Variants in IMMP2L observed in about 807,000 individuals in gnomAD.
IMMP2L encodes the protein mitochondrial inner membrane protease subunit 2.
Under a neutral mutation model 19.3 loss-of-function variants are expected in IMMP2L, and 18 were observed. The ratio of observed to expected loss-of-function variants is 0.93; its 90% confidence interval spans 0.64 to 1.38. The LOEUF (loss-of-function observed/expected upper bound fraction) is 1.38, where lower values mean the gene tolerates loss of function less well. Among genes scored for constraint, IMMP2L ranks in the 40% most tolerant of loss-of-function variants. The probability of loss-of-function intolerance (pLI) is 0.00; values close to 1 mark genes in which losing one functional copy is unlikely to be tolerated. For missense variants in IMMP2L, 233 were observed against 218.2 expected (o/e 1.07, Z -0.43); for synonymous variants, 76 against 73.0 (o/e 1.04, Z -0.21).
At chr7:111,329,085 T>C (rs1251451853) in intron 3 of IMMP2L, among the ~76,000 whole-genome samples, 1 of 151,912 alleles carries the variant, frequency 6.6e-6, no homozygotes, top group East Asian at 1.9e-4. Context: ...AAAGCTTTCA[T>C]GTACAATCAT....
chr7:110,801,443 T>TAA (rs1337124435), intron 5 of IMMP2L, among the ~76,000 whole-genome samples: 7 of 152,104 alleles, frequency 4.6e-5, no homozygotes, highest in African/African-American at 1.4e-4. Context: ...TGGTCATTGT[T>TAA]CTTATGAGAA....
intron 4 of IMMP2L, among the ~76,000 whole-genome samples, chr7:110,940,714 C>T (rs1816654794): frequency 6.6e-6 from 1 of 152,138 alleles, no homozygotes; most frequent in Non-Finnish European, 1.5e-5. Context: ...ATGTCACTCT[C>T]TTTTAGTAAA....
intron 3 of IMMP2L, among the ~76,000 whole-genome samples, chr7:111,424,944 G>A (rs1473891993): frequency 1.3e-5 from 2 of 151,674 alleles, no homozygotes; most frequent in Non-Finnish European, 2.9e-5. Context: ...CAATTATATG[G>A]CATAATGGAA....
chr7:111,343,472 T>A (rs1179151173), intron 3 of IMMP2L, among the ~76,000 whole-genome samples: 1 of 152,082 alleles, frequency 6.6e-6, no homozygotes, highest in Non-Finnish European at 1.5e-5. Flanking sequence ...CGGCCTTCAC[T>A]ATTCAGCTGA....
intron 5 of IMMP2L, among the ~76,000 whole-genome samples, chr7:110,801,763 G>T (rs558650427): frequency 1.3e-5 from 2 of 152,172 alleles, no homozygotes; most frequent in South Asian, 4.1e-4. Context: ...GCACTGGTAA[G>T]GTATGAATTC....
chr7:111,078,362 C>T (rs1159746416), intron 3 of IMMP2L, among the ~76,000 whole-genome samples: 1 of 152,118 alleles, frequency 6.6e-6, no homozygotes, highest in Non-Finnish European at 1.5e-5. Flanking sequence ...TGGAATGCCT[C>T]AATCTTTTGG....
chr7:111,232,595 C>A (rs974345132), intron 3 of IMMP2L, among the ~76,000 whole-genome samples: 1 of 151,806 alleles, frequency 6.6e-6, no homozygotes, highest in Non-Finnish European at 1.5e-5. Context: ...AGATTTTTGA[C>A]CCCTGAAATC....
intron 1 of IMMP2L, among the ~76,000 whole-genome samples, chr7:111,538,363 AGTTT>A (rs1346060533): frequency 2.0e-5 from 3 of 152,096 alleles, no homozygotes; most frequent in African/African-American, 7.2e-5. Context: ...TGTGTGTGTT[AGTTT>A]GTGTGTGTGG....
intron 3 of IMMP2L, among the ~76,000 whole-genome samples, chr7:110,983,628 A>T (rs1452448985): frequency 6.6e-6 from 1 of 152,016 alleles, no homozygotes; most frequent in Non-Finnish European, 1.5e-5. Context: ...CTGTTTTGCT[A>T]AAATTGAAGA....
intron 1 of IMMP2L, among the ~76,000 whole-genome samples, chr7:111,556,226 G>A (rs973923596): frequency 1.7e-4 from 26 of 151,320 alleles, no homozygotes; most frequent in Admixed American, 4.6e-4. Context: ...GAAAGAGTTT[G>A]GGAACTCATG....
At chr7:110,970,996 G>C (rs748338007) in intron 3 of IMMP2L, among the ~76,000 whole-genome samples, 47 of 152,114 alleles carry the variant, frequency 3.1e-4, no homozygotes, top group Non-Finnish European at 4.7e-4. Flanking sequence ...GAAAGAGCAA[G>C]CTATTTGTAT....
chr7:111,497,451 C>G (rs1033562653), intron 2 of IMMP2L, among the ~76,000 whole-genome samples: 9 of 151,904 alleles, frequency 5.9e-5, no homozygotes, highest in Non-Finnish European at 2.9e-5. Flanking sequence ...CTTGGTTTAG[C>G]AATGGTTAAA....
intron 3 of IMMP2L, among the ~76,000 whole-genome samples, chr7:110,977,116 CAGA>C (rs561388293): frequency 5.6e-4 from 85 of 151,964 alleles, no homozygotes; most frequent in Non-Finnish European, 1.0e-3. Flanking sequence ...TGTTAGGGTA[CAGA>C]AGAATTTATT....
chr7:110,930,445 C>T (rs567584049), intron 4 of IMMP2L, among the ~76,000 whole-genome samples: 1 of 151,976 alleles, frequency 6.6e-6, no homozygotes, highest in South Asian at 2.1e-4. Context: ...AGGAGGAGAG[C>T]AAATGTTTAC....
intron 5 of IMMP2L, among the ~76,000 whole-genome samples, chr7:110,771,698 C>T (rs970799510): frequency 5.9e-5 from 9 of 152,106 alleles, no homozygotes; most frequent in African/African-American, 1.9e-4. Context: ...AAGGACTTAT[C>T]GAAAAACATC....
intron 5 of IMMP2L, among the ~76,000 whole-genome samples, chr7:110,693,887 T>G (rs901834685): frequency 1.3e-4 from 20 of 152,116 alleles, no homozygotes; most frequent in African/African-American, 4.8e-4. Context: ...GGGGTACTTG[T>G]GGTAGCAATA....
chr7:111,188,808 G>A (rs1808552188), intron 3 of IMMP2L, among the ~76,000 whole-genome samples: 1 of 152,106 alleles, frequency 6.6e-6, no homozygotes. Context: ...CCAAAGTAGT[G>A]TCATTACTCA....
chr7:110,738,042 C>CA (rs925154715), intron 5 of IMMP2L, among the ~76,000 whole-genome samples: 5 of 152,134 alleles, frequency 3.3e-5, no homozygotes, highest in African/African-American at 1.2e-4. Flanking sequence ...CCCTGTGGGA[C>CA]AAAAAATCTG....
intron 5 of IMMP2L, among the ~76,000 whole-genome samples, chr7:110,765,675 T>G (rs1431897287): frequency 1.3e-5 from 2 of 152,192 alleles, no homozygotes; most frequent in Non-Finnish European, 2.9e-5. Flanking sequence ...TTATTTTTAA[T>G]TTACATCTAA....
Sources: gnomAD v4.1 joint callset for allele counts (sites outside exome capture counted in the v4.1 genomes callset) on GRCh38, gnomAD v4.1.1 for gene constraint, MANE v1.5 for transcripts, NCBI Gene and HGNC (gene_info 2026-07-23, HGNC 2026-07-21) for gene names.